The following UGGT2 variants were observed in gnomAD, a reference collection of about 807,000 sequenced individuals.
The protein encoded by UGGT2 is UDP-glucose glycoprotein glucosyltransferase 2, also known as UDP-glucose:glycoprotein glucosyltransferase 2.
Under a neutral mutation model 192.1 loss-of-function variants are expected in UGGT2, and 180 were observed. The observed-to-expected ratio is 0.94, with a 90% CI of 0.83 to 1.06. The LOEUF is 1.06. UGGT2 is among the 50% of genes least tolerant of loss of function. UGGT2 has a pLI of 0.00. For synonymous variants in UGGT2, 580 were observed against 591.0 expected (o/e 0.98, Z 0.27); for missense variants, 1,849 against 1,795.7 (o/e 1.03, Z -0.54).
chr13:96,050,979 T>A (rs147360941), intron 1 of UGGT2, among the ~76,000 whole-genome samples: 4 of 152,232 alleles, frequency 2.6e-5, no homozygotes, highest in African/African-American at 9.7e-5. Context: ...ATCCCATTAC[T>A]GGGTATATAC....
At chr13:95,853,502 T>C (rs761277354) in intron 36 of UGGT2, 41 bp downstream of exon 36, 45 of 1,548,468 alleles carry the variant, frequency 2.9e-5, no homozygotes, top group Non-Finnish European at 3.8e-5. Context: ...GAACAGTCTA[T>C]GTACACACAC....
chr13:96,007,428 C>G (rs2052016528), intron 5 of UGGT2, among the ~76,000 whole-genome samples: 1 of 152,020 alleles, frequency 6.6e-6, no homozygotes, highest in Admixed American at 6.6e-5. Context: ...TTTTATTCAA[C>G]ATAATACTAG....
intron 38 of UGGT2, among the ~76,000 whole-genome samples, chr13:95,807,715 C>CTTTTTTTTTTTTTTTTTTTTTT (rs200081851): frequency 4.2e-5 from 2 of 48,040 alleles, no homozygotes; most frequent in African/African-American, 1.2e-4. Context: ...TCAGCCCTCA[C>CTTTTTTTTTTTTTTTTTTTTTT]CTTTTTTTTT....
At chr13:95,847,358 T>C (rs1008975183) in intron 36 of UGGT2, among the ~76,000 whole-genome samples, 1 of 152,216 alleles carries the variant, frequency 6.6e-6, no homozygotes, top group African/African-American at 2.4e-5. Context: ...CTTGGTGTTG[T>C]ACATTCTACG....
intron 6 of UGGT2, among the ~76,000 whole-genome samples, chr13:95,998,538 T>C (rs1039370039): frequency 6.6e-6 from 1 of 152,142 alleles, no homozygotes; most frequent in Non-Finnish European, 1.5e-5. Context: ...TGAGTGCATA[T>C]AGAGAATAAA....
chr13:95,999,749 C>G (rs2051738806), intron 5 of UGGT2, among the ~76,000 whole-genome samples: 2 of 133,084 alleles, frequency 1.5e-5, no homozygotes, highest in Admixed American at 1.4e-4. Flanking sequence ...CAAAAGCAAA[C>G]ACTGGAAAGT....
intron 29 of UGGT2, among the ~76,000 whole-genome samples, chr13:95,867,851 AT>A (rs1464265399): frequency 6.6e-6 from 1 of 152,168 alleles, no homozygotes; most frequent in Admixed American, 6.5e-5. Context: ...TCCACCAGCC[AT>A]TTTCAAATGC....
chr13:95,826,788 C>A, intron 38 of UGGT2, among the ~76,000 whole-genome samples: 1 of 146,286 alleles, frequency 6.8e-6, no homozygotes, highest in South Asian at 2.2e-4. Context: ...AATCCTTTCT[C>A]TGACCATCCC....
chr13:95,831,684 C>T (rs1336516791), intron 38 of UGGT2, among the ~76,000 whole-genome samples: 1 of 152,056 alleles, frequency 6.6e-6, no homozygotes, highest in Non-Finnish European at 1.5e-5. Context: ...TTAACTTATA[C>T]AGCTACTATA....
chr13:95,903,137 C>T, intron 20 of UGGT2, 77 bp from the exon 21 acceptor site: 1 of 1,404,754 alleles, frequency 7.1e-7, no homozygotes, highest in African/African-American at 1.4e-5. Flanking sequence ...TCTTTCCCAT[C>T]CAGTTTGTTC....
chr13:95,867,551 T>G (rs1349807274), intron 29 of UGGT2, 128 bp from the exon 30 acceptor site: 1 of 640,302 alleles, frequency 1.6e-6, no homozygotes, highest in Non-Finnish European at 2.6e-6. Context: ...CATGTTTTTC[T>G]GTTTCTATAG....
intron 12 of UGGT2, among the ~76,000 whole-genome samples, chr13:95,957,676 G>T (rs1408247582): frequency 2.0e-5 from 3 of 152,198 alleles, no homozygotes; most frequent in African/African-American, 4.8e-5. Flanking sequence ...GTCCTTCACT[G>T]CCAACCTTAG....
intron 38 of UGGT2, among the ~76,000 whole-genome samples, chr13:95,813,516 A>G (rs1284385015): frequency 6.6e-6 from 1 of 152,176 alleles, no homozygotes; most frequent in East Asian, 1.9e-4. Context: ...CTATGCTCAG[A>G]TGTGGGAGTA....
intron 21 of UGGT2, 144 bp downstream of exon 21, chr13:95,902,710 T>C: frequency 1.2e-6 from 1 of 804,568 alleles, no homozygotes; most frequent in South Asian, 1.9e-5. Context: ...ATTTAATGTT[T>C]ATCTTTTCCC....
intron 38 of UGGT2, among the ~76,000 whole-genome samples, chr13:95,829,005 C>T (rs953314870): frequency 9.9e-5 from 15 of 152,170 alleles, no homozygotes; most frequent in Non-Finnish European, 1.8e-4. Context: ...GAATGCAAGG[C>T]TGGTTCAACA....
rs1885367517 is a variant in UGGT2, at chr13:95,820,235, T to C, written c.4528+12692A>G. 2.0e-5 allele frequency among the ~76,000 whole-genome samples: 3 copies of C among 152,148 alleles called. No homozygotes were observed. In the South Asian group the frequency reaches 6.2e-4, roughly 31 times the overall value. On this transcript the variant is annotated intron_variant, in intron 38 of 38. Transcript: ENST00000376747. ...TTATGACACTATAGAATATATCCAA[T>C]ATAAATCTTTTTCTTGGAAAACATA...
At chr13:95,973,408 A>G (rs2050839413) in intron 10 of UGGT2, among the ~76,000 whole-genome samples, 1 of 152,142 alleles carries the variant, frequency 6.6e-6, no homozygotes, top group South Asian at 2.1e-4. Flanking sequence ...CATTTCATAT[A>G]GTGTGTGTAT....
At chr13:95,888,850 G>T (rs2047721227) in intron 25 of UGGT2, among the ~76,000 whole-genome samples, 1 of 149,940 alleles carries the variant, frequency 6.7e-6, no homozygotes, top group Non-Finnish European at 1.5e-5. Flanking sequence ...GTCCTGCTCT[G>T]TTGCCAAGGC....
chr13:96,035,110 A>G (rs1458882027), intron 1 of UGGT2, among the ~76,000 whole-genome samples: 1 of 152,228 alleles, frequency 6.6e-6, no homozygotes, highest in African/African-American at 2.4e-5. Flanking sequence ...TAGCCAAGAC[A>G]ATCTGAAGCA....
Sources: allele counts gnomAD v4.1 joint callset (sites outside exome capture counted in the v4.1 genomes callset), GRCh38; gene constraint gnomAD v4.1.1; transcripts MANE v1.5; gene names NCBI Gene and HGNC (gene_info 2026-07-23, HGNC 2026-07-21).